The following ROR1 variants were observed in gnomAD, a reference collection of about 807,000 sequenced individuals.
ROR1 encodes ROR family WNT receptor 1.
Under a neutral mutation model 78.8 loss-of-function variants are expected in ROR1, and 19 were observed. That is an observed-to-expected ratio of 0.24 (90% CI 0.17 to 0.35). The LOEUF (loss-of-function observed/expected upper bound fraction) is 0.35, where lower values mean the gene tolerates loss of function less well. Among genes scored for constraint, ROR1 ranks in the 10% least tolerant of loss-of-function variants. ROR1 has a pLI of 1.00. For missense variants in ROR1, 917 were observed against 1,177.8 expected, an observed-to-expected ratio of 0.78 and a Z score of 3.24; for synonymous variants, 386 against 433.6, an observed-to-expected ratio of 0.89 and a Z score of 1.36.
chr1:63,889,218 A>G (rs990590155), intron 1 of ROR1, among the ~76,000 whole-genome samples: 2 of 151,704 alleles, frequency 1.3e-5, no homozygotes, highest in African/African-American at 4.9e-5. Flanking sequence ...CCTAATTTAC[A>G]GAAGTGACAT....
chr1:64,161,815 CTT>C (rs34343244), intron 8 of ROR1, among the ~76,000 whole-genome samples: 2 of 151,282 alleles, frequency 1.3e-5, no homozygotes, highest in African/African-American at 2.4e-5. Context: ...CAAATGCTAA[CTT>C]TTTTTTTTCT....
At chr1:63,975,654 C>T (rs1158757697) in intron 1 of ROR1, among the ~76,000 whole-genome samples, 4 of 152,158 alleles carry the variant, frequency 2.6e-5, no homozygotes, top group Non-Finnish European at 5.9e-5. Context: ...CCACCCTGTG[C>T]CAAAGCAAAT....
intron 4 of ROR1, among the ~76,000 whole-genome samples, chr1:64,087,805 A>G (rs181506131): frequency 1.3e-5 from 2 of 152,376 alleles, no homozygotes; most frequent in East Asian, 3.9e-4. Context: ...TTCATCAGTC[A>G]GTCTGTCGAC....
chr1:64,089,798 T>C (rs1369353586), intron 4 of ROR1, among the ~76,000 whole-genome samples: 4 of 152,200 alleles, frequency 2.6e-5, no homozygotes, highest in African/African-American at 4.8e-5. Context: ...GTTGTTTCCC[T>C]ACCCAAATCT....
chr1:64,118,738 G>A (rs1210424979), intron 4 of ROR1, among the ~76,000 whole-genome samples: 1 of 151,318 alleles, frequency 6.6e-6, no homozygotes, highest in Non-Finnish European at 1.5e-5. Context: ...TTTAGGCCTC[G>A]GTAAATCAGA....
chr1:63,942,104 G>A (rs1029302458), intron 1 of ROR1, among the ~76,000 whole-genome samples: 6 of 152,276 alleles, frequency 3.9e-5, no homozygotes, highest in South Asian at 2.1e-4. Context: ...TGCCTGGCAC[G>A]GTCTGGTGCA....
At chr1:64,080,517 T>G (rs1420306000) in intron 4 of ROR1, among the ~76,000 whole-genome samples, 2 of 152,250 alleles carry the variant, frequency 1.3e-5, no homozygotes, top group East Asian at 3.8e-4. Context: ...GGTTGAATAC[T>G]CTGTCTCTGT....
At chr1:64,139,536 T>C (rs1209379375) in intron 5 of ROR1, among the ~76,000 whole-genome samples, 1 of 152,198 alleles carries the variant, frequency 6.6e-6, no homozygotes, top group Non-Finnish European at 1.5e-5. Flanking sequence ...TAATATTCGA[T>C]GATACACATT....
chr1:63,799,636 C>T, intron 1 of ROR1, among the ~76,000 whole-genome samples: 1 of 137,618 alleles, frequency 7.3e-6, no homozygotes. Context: ...CCCATTTTTC[C>T]TCTCCTGTTT....
chr1:64,012,172 T>C (rs12083122), intron 2 of ROR1, among the ~76,000 whole-genome samples: 4,527 of 152,286 alleles, frequency 0.03, 250 homozygotes, highest in African/African-American at 0.1. Flanking sequence ...ATGGGTACTC[T>C]CTAAGGCCTA....
chr1:64,022,826 C>A (rs771658302), intron 2 of ROR1, among the ~76,000 whole-genome samples: 4 of 152,164 alleles, frequency 2.6e-5, no homozygotes, highest in Non-Finnish European at 5.9e-5. Flanking sequence ...GAACTGTGAG[C>A]ATAAGGGGTG....
intron 4 of ROR1, among the ~76,000 whole-genome samples, chr1:64,135,817 C>T (rs889830388): frequency 5.3e-5 from 8 of 152,162 alleles, no homozygotes; most frequent in South Asian, 2.1e-4. Flanking sequence ...AAGAGCTTTG[C>T]AACACAAACT....
At chr1:63,861,238 A>G (rs1645180041) in intron 1 of ROR1, among the ~76,000 whole-genome samples, 2 of 152,196 alleles carry the variant, frequency 1.3e-5, no homozygotes, top group African/African-American at 4.8e-5. Context: ...AATGTTATTA[A>G]AGTCTGTGAT....
chr1:63,832,144 G>A (rs1644992458), intron 1 of ROR1, among the ~76,000 whole-genome samples: 1 of 152,036 alleles, frequency 6.6e-6, no homozygotes, highest in African/African-American at 2.4e-5. Flanking sequence ...TGAGCATTTT[G>A]GTAAAAATCA....
At chr1:63,943,490 G>A (rs1645857878) in intron 1 of ROR1, among the ~76,000 whole-genome samples, 1 of 152,152 alleles carries the variant, frequency 6.6e-6, no homozygotes, top group African/African-American at 2.4e-5. Flanking sequence ...AGCTCCACTG[G>A]TCCCTCACCA....
At chr1:64,056,972 T>C (rs1450026024) in intron 4 of ROR1, among the ~76,000 whole-genome samples, 1 of 152,256 alleles carries the variant, frequency 6.6e-6, no homozygotes, top group Non-Finnish European at 1.5e-5. Flanking sequence ...CTTTTCATTT[T>C]CTTGATAGTG....
At chr1:63,812,646 G>A (rs1210275555) in intron 1 of ROR1, among the ~76,000 whole-genome samples, 1 of 152,126 alleles carries the variant, frequency 6.6e-6, no homozygotes, top group Non-Finnish European at 1.5e-5. Context: ...TAAGAACAGT[G>A]CTACCTATGA....
intron 1 of ROR1, among the ~76,000 whole-genome samples, chr1:63,830,388 C>A (rs1253965263): frequency 6.6e-6 from 1 of 152,154 alleles, no homozygotes; most frequent in African/African-American, 2.4e-5. Flanking sequence ...TTGACTCAGA[C>A]TTCTGCATGG....
rs115256902 is a variant in ROR1, at chr1:63,834,997, A to G, written c.91+60489A>G. Among the ~76,000 whole-genome samples, 976 of 151,932 alleles carry G rather than the reference A, an allele frequency of 6.4e-3. 11 individuals carry two copies. Among genetic ancestry groups the G allele is most frequent in the African/African-American group, 0.023 (944 of 41,366 alleles). On this transcript the variant is annotated intron_variant, in intron 1 of 8. Coordinates refer to ENST00000371079, the MANE Select transcript of ROR1 (RefSeq NM_005012.4). ...CTGGGGCGGTTGGCCCCACTGGTCA[A>G]CCTCACTCCTTGAGCCCTATTTACC... is the stretch of plus-strand genomic sequence containing the variant.
Sources: allele counts gnomAD v4.1 joint callset (sites outside exome capture counted in the v4.1 genomes callset), GRCh38; gene constraint gnomAD v4.1.1; transcripts MANE v1.5; gene names NCBI Gene and HGNC (gene_info 2026-07-23, HGNC 2026-07-21).